The following RBL1 variants were observed in gnomAD, a reference collection of about 807,000 sequenced individuals.
RBL1 encodes retinoblastoma-like protein 1.
Under a neutral mutation model 123.0 loss-of-function variants are expected in RBL1, and 82 were observed. The ratio of observed to expected loss-of-function variants is 0.67; its 90% CI spans 0.56 to 0.80. The LOEUF (loss-of-function observed/expected upper bound fraction) is 0.80, where lower values mean the gene tolerates loss of function less well. RBL1 is among the 30% of genes least tolerant of loss of function. The probability of loss-of-function intolerance (pLI) is 0.00; values close to 1 mark genes in which losing one functional copy is unlikely to be tolerated. For synonymous variants in RBL1, 405 were observed against 441.3 expected, an observed-to-expected ratio of 0.92 and a Z score of 1.03; for missense variants, 1,171 against 1,299.6, an observed-to-expected ratio of 0.90 and a Z score of 1.52.
At chr20:37,070,958 T>C (rs1222725399) in intron 2 of RBL1, among the ~76,000 whole-genome samples, 1 of 152,030 alleles carries the variant, frequency 6.6e-6, no homozygotes, top group Non-Finnish European at 1.5e-5. Flanking sequence ...TGCAGTGGCA[T>C]GATCTTGGCT....
At position 37,089,006 on chromosome 20, in the gene RBL1, T is replaced by C. The variant is rs889699178; in HGVS notation, c.273A>G (p.Leu91=). 1.9e-6 allele frequency: 3 copies of C among 1,602,944 alleles called. No homozygotes were observed. The African/African-American group carries it at 4.0e-5, about 22-fold the overall frequency. ...AGGTTTACCTTAATTTAGCTGAACG[T>C]AGTATTCTGGTAAGTGAAACACAGT... ...EGNCVSLTRI[L]RSAKLSLIQF... The change falls in exon 2 of 22, where the codon CTA becomes CTG. Residue 91 remains leucine, a synonymous_variant. Transcript: ENST00000373664.
At chr20:37,081,910 G>A (rs920204872) in intron 2 of RBL1, 6 of 442,396 alleles carry the variant, frequency 1.4e-5, no homozygotes, top group Admixed American at 5.0e-5. Flanking sequence ...CTGGCTCAGC[G>A]AGATTGGGTG....
At position 37,067,006 on chromosome 20, in the gene RBL1, A is replaced by G; in HGVS notation, c.672T>C (p.Asn224=). The G allele has an allele frequency of 6.2e-7, 1 of 1,608,436 alleles. No homozygotes were observed. The highest frequency in any genetic ancestry group is 8.5e-7 in the Non-Finnish European group (1 of 1,176,422). ...IMCPNRQDLL[N]PSFKGLPSDF... ...AAAAGGTCTTACCTTTAAATGATGG[A>G]TTTAGCAAGTCTTGTCTATTTGGGC... The change falls in exon 5 of 22, where the codon AAT becomes AAC. Residue 224 remains asparagine (N), a synonymous_variant. Transcript: ENST00000373664.
chr20:37,081,584 C>A (rs940299063), intron 2 of RBL1, among the ~76,000 whole-genome samples: 3 of 152,156 alleles, frequency 2.0e-5, no homozygotes, highest in African/African-American at 7.2e-5. Context: ...CTTGACCCCC[C>A]CAAGTTTGAG....
At chr20:37,001,413 C>T (rs2063977753) in intron 21 of RBL1, among the ~76,000 whole-genome samples, 1 of 150,674 alleles carries the variant, frequency 6.6e-6, no homozygotes, top group Admixed American at 6.6e-5. Context: ...TTGTTCTGTA[C>T]TAAGAAAAAT....
chr20:37,071,077 T>C (rs868453003), intron 2 of RBL1, among the ~76,000 whole-genome samples: 31 of 152,098 alleles, frequency 2.0e-4, no homozygotes, highest in African/African-American at 7.2e-4. Context: ...GTATTTTTAG[T>C]AGAGACAAGG....
At chr20:37,064,931 CTT>C (rs377383954) in intron 7 of RBL1, among the ~76,000 whole-genome samples, 23 of 133,550 alleles carry the variant, frequency 1.7e-4, no homozygotes, top group Non-Finnish European at 1.3e-4. Flanking sequence ...CGGCCTCTTT[CTT>C]TTTTTTTTTT....
chr20:37,082,657 T>C (rs996006279), intron 2 of RBL1, among the ~76,000 whole-genome samples: 1 of 152,198 alleles, frequency 6.6e-6, no homozygotes, highest in East Asian at 1.9e-4. Flanking sequence ...AAGTATACAG[T>C]GTAACAACTA....
intron 15 of RBL1, among the ~76,000 whole-genome samples, chr20:37,034,849 T>C (rs1356687359): frequency 6.6e-6 from 1 of 152,112 alleles, no homozygotes; most frequent in Non-Finnish European, 1.5e-5. Flanking sequence ...TATGGAGCTA[T>C]AGTGACAGAT....
intron 14 of RBL1, 100 bp downstream of exon 14, chr20:37,040,053 A>C: frequency 3.3e-6 from 5 of 1,523,344 alleles, no homozygotes; most frequent in Non-Finnish European, 4.5e-6. Flanking sequence ...TGAATAAATT[A>C]GATTTCTTAA....
rs1013303071 is a variant in RBL1, at chr20:37,005,894, C to CTTTTT, written c.2871+1512_2871+1516dup. On this transcript the variant is annotated intron_variant, in intron 20 of 21. Transcript: ENST00000373664. Reference sequence around the variant, plus strand: ...CTTCTTTTCTTTTTTTTTTTTCTTTCTTTTTTTTTTTTTTTTTTTGAGGCA... The same window carrying CTTTTT: ...CTTCTTTTCTTTTTTTTTTTTCTTTCTTTTTTTTTTTTTTTTTTTTTTTTGAGGCA... Among the ~76,000 whole-genome samples the CTTTTT allele has an allele frequency of 1.9e-3, 182 of 98,092 alleles. 1 individual carries two copies. The highest frequency in any genetic ancestry group is 2.8e-3 in the South Asian group (8 of 2,878). The allele number at this position is 98,092 out of a possible 152,430, so 64.4% of individuals were successfully genotyped here. A position where few individuals can be genotyped will look rare whatever the true frequency, so the allele number is the denominator to read the frequency against.
chr20:37,087,518 T>C (rs1012751083), intron 2 of RBL1, among the ~76,000 whole-genome samples: 8 of 152,060 alleles, frequency 5.3e-5, no homozygotes, highest in African/African-American at 1.9e-4. Context: ...GCTGAGGAGT[T>C]TGAGGCTGCA....
intron 17 of RBL1, among the ~76,000 whole-genome samples, chr20:37,022,195 T>A (rs559642839): frequency 1.3e-5 from 2 of 152,322 alleles, no homozygotes; most frequent in South Asian, 4.2e-4. Context: ...TTGTATCAGA[T>A]ATATGAGAAT....
At chr20:37,001,781 A>AG (rs2063984981) in intron 21 of RBL1, among the ~76,000 whole-genome samples, 1 of 151,544 alleles carries the variant, frequency 6.6e-6, no homozygotes, top group African/African-American at 2.4e-5. Context: ...GAAAAAAAAA[A>AG]AAAAAGAAAA....
At chr20:37,049,452 G>GT in intron 11 of RBL1, 1 of 753,648 alleles carries the variant, frequency 1.3e-6, no homozygotes, top group South Asian at 1.4e-5. Context: ...TTCATCTTGT[G>GT]TTGAGACTTC....
At chr20:37,083,800 G>C (rs2065496518) in intron 2 of RBL1, among the ~76,000 whole-genome samples, 1 of 150,734 alleles carries the variant, frequency 6.6e-6, no homozygotes, top group Non-Finnish European at 1.5e-5. Flanking sequence ...CAAGATTCTA[G>C]CTCAAAAAAA....
In RBL1 at chr20:36,998,172, T is replaced by A. The variant is rs1316648410; in HGVS notation, c.*587A>T. 1 of 152,074 alleles carries A rather than the reference T, an allele frequency of 6.6e-6. No homozygotes were observed. Among genetic ancestry groups the A allele is most frequent in the Non-Finnish European group, 1.5e-5 (1 of 68,012 alleles). 9.4% of individuals were successfully genotyped at this position (152,074 alleles called of 1,614,324 possible). On this transcript the variant is annotated 3_prime_UTR_variant, in exon 22 of 22. Coordinates refer to ENST00000373664, the MANE Select transcript of RBL1 (RefSeq NM_002895.5). ...AGCTAAAAAGTTATGGGGTTTCTCCTTATTTCATCTTGAAAACTCAAGGAG... is the reference window on the plus strand; with the variant it reads ...AGCTAAAAAGTTATGGGGTTTCTCCATATTTCATCTTGAAAACTCAAGGAG...
chr20:37,022,749 T>G lies in RBL1; in HGVS notation c.2460A>C (p.Ile820=). 6.2e-7 allele frequency: 1 copy of G among 1,613,902 alleles called. No individual in the cohort carries two copies. The highest frequency in any genetic ancestry group is 8.5e-7 in the Non-Finnish European group (1 of 1,179,778). Residue 820 remains isoleucine, a synonymous_variant, in exon 17 of 22, where the codon ATA becomes ATC. Transcript: ENST00000373664. The stretch of plus-strand genomic sequence containing the variant: ...CTAAAGTGAATTCAAAACACGTCCA[T>G]ATCTTCCTTCGTAACTCATTTGAAA... ...LDVSNELRRK[I]WTCFEFTLVH...
At chr20:37,073,132 G>GT (rs1479181343) in intron 2 of RBL1, among the ~76,000 whole-genome samples, 1 of 151,896 alleles carries the variant, frequency 6.6e-6, no homozygotes, top group Non-Finnish European at 1.5e-5. Flanking sequence ...ATTTTAAAAT[G>GT]TTTTTTAGAG....
Sources: allele counts gnomAD v4.1 joint callset (sites outside exome capture counted in the v4.1 genomes callset), GRCh38; gene constraint gnomAD v4.1.1; transcripts MANE v1.5; gene names NCBI Gene and HGNC (gene_info 2026-07-23, HGNC 2026-07-21).